CMIP: variants seen among roughly 807,000 people sequenced by gnomAD.
CMIP encodes the protein C-Maf-inducing protein.
In CMIP, 13 loss-of-function variants were observed where a neutral mutation model predicts 97.3. That is an observed-to-expected ratio of 0.13 (90% CI 0.09 to 0.21). CMIP has a LOEUF of 0.21. Among genes scored for constraint, CMIP ranks in the 10% least tolerant of loss-of-function variants. The pLI, the probability that CMIP is intolerant of heterozygous loss-of-function variation, is 1.00. For missense variants in CMIP, 847 were observed against 1,024.9 expected, an observed-to-expected ratio of 0.83 and a Z score of 2.37; for synonymous variants, 538 against 436.3, an observed-to-expected ratio of 1.23 and a Z score of -2.91.
intron 1 of CMIP, among the ~76,000 whole-genome samples, chr16:81,473,125 G>C (rs1051859623): frequency 2.0e-5 from 3 of 152,182 alleles, no homozygotes; most frequent in African/African-American, 4.8e-5. Flanking sequence ...CCTCCTGCCC[G>C]GCCTCCTCTG....
intron 3 of CMIP, among the ~76,000 whole-genome samples, chr16:81,623,897 C>T: frequency 6.6e-6 from 1 of 152,110 alleles, no homozygotes; most frequent in South Asian, 2.1e-4. Context: ...AAGTGACTTG[C>T]CTACAGTTGC....
Position 81,570,726 on chromosome 16 carries a change from C to T in CMIP, c.301-36841C>T, listed in dbSNP as rs560680134. On this transcript the variant is annotated intron_variant, in intron 1 of 20. Coordinates refer to ENST00000537098, the MANE Select transcript of CMIP (RefSeq NM_198390.3). ...TCTGTTAACATGTGCTGAAAGGAGACGCCGGTGCTCTGTCTCTAGCGATCC... is the reference window on the plus strand; with the variant it reads ...TCTGTTAACATGTGCTGAAAGGAGATGCCGGTGCTCTGTCTCTAGCGATCC... Among the ~76,000 whole-genome samples the T allele has an allele frequency of 2.6e-5, 4 of 152,274 alleles. No individual in the cohort carries two copies. In the East Asian group the frequency reaches 5.8e-4, roughly 22 times the overall value.
At chr16:81,644,106 C>G (rs2092336482) in intron 3 of CMIP, among the ~76,000 whole-genome samples, 1 of 152,230 alleles carries the variant, frequency 6.6e-6, no homozygotes, top group African/African-American at 2.4e-5. Context: ...ACGAACGAAA[C>G]ATGCATTTAC....
chr16:81,564,755 C>G (rs1417733075), intron 1 of CMIP, among the ~76,000 whole-genome samples: 1 of 152,188 alleles, frequency 6.6e-6, no homozygotes, highest in Non-Finnish European at 1.5e-5. Context: ...GGGGAAGAGT[C>G]AGCAAGTCGG....
chr16:81,560,419 C>T (rs1164403510), intron 1 of CMIP, among the ~76,000 whole-genome samples: 7 of 152,040 alleles, frequency 4.6e-5, no homozygotes, highest in African/African-American at 7.2e-5. Context: ...GGGGTTTCAC[C>T]GTGTTAGCCA....
chr16:81,483,501 T>C (rs542717226), intron 1 of CMIP, among the ~76,000 whole-genome samples: 1 of 152,284 alleles, frequency 6.6e-6, no homozygotes, highest in South Asian at 2.1e-4. Context: ...CTCTAATACA[T>C]TCAGGAAAGT....
chr16:81,600,957 C>A (rs1359823943), intron 1 of CMIP, among the ~76,000 whole-genome samples: 1 of 152,136 alleles, frequency 6.6e-6, no homozygotes, highest in African/African-American at 2.4e-5. Context: ...GTGTGCAGGT[C>A]CAGCAAATCC....
intron 1 of CMIP, among the ~76,000 whole-genome samples, chr16:81,477,954 C>G (rs1012574689): frequency 2.6e-5 from 4 of 152,238 alleles, no homozygotes; most frequent in Admixed American, 2.6e-4. Flanking sequence ...CCTTACTGGC[C>G]AGACCATCAT....
rs1341791033 is a variant in CMIP at position 81,471,634 on chromosome 16, C to A, written c.300+26093C>A. 2.0e-5 allele frequency among the ~76,000 whole-genome samples: 3 copies of A among 152,208 alleles called. No individual in the cohort carries two copies. In the South Asian group the frequency reaches 6.2e-4, roughly 31 times the overall value. The stretch of plus-strand genomic sequence containing the variant: ...ACTCTCATCCTTGGGGGATATGTGT[C>A]AAGATTCCCAGTAGATGCCTGAAAT... On this transcript the variant is annotated intron_variant, in intron 1 of 20. Transcript: ENST00000537098.
intron 1 of CMIP, among the ~76,000 whole-genome samples, chr16:81,596,190 A>T (rs557433943): frequency 2.1e-4 from 32 of 152,316 alleles, no homozygotes; most frequent in African/African-American, 7.7e-4. Flanking sequence ...ATTCAGCTCT[A>T]GAAAATCTGA....
At chr16:81,540,682 GTGTT>G (rs2090433014) in intron 1 of CMIP, among the ~76,000 whole-genome samples, 3 of 112,564 alleles carry the variant, frequency 2.7e-5, no homozygotes, top group South Asian at 6.0e-4. Context: ...GTGTGTGTGT[GTGTT>G]TGTTTTTGTT....
chr16:81,613,776 A>C (rs2091869263), intron 2 of CMIP, among the ~76,000 whole-genome samples: 5 of 152,200 alleles, frequency 3.3e-5, no homozygotes, highest in African/African-American at 1.2e-4. Flanking sequence ...TGAATGCCCC[A>C]TTCATCCATC....
chr16:81,479,907 C>T (rs963016921), intron 1 of CMIP, among the ~76,000 whole-genome samples: 3 of 152,186 alleles, frequency 2.0e-5, no homozygotes, highest in African/African-American at 7.2e-5. Flanking sequence ...TCCTGGCCAG[C>T]TGAGAAATAA....
At chr16:81,503,701 G>A (rs1204377199) in intron 1 of CMIP, among the ~76,000 whole-genome samples, 1 of 152,202 alleles carries the variant, frequency 6.6e-6, no homozygotes, top group Admixed American at 6.5e-5. Context: ...CTGGCCTTCT[G>A]CCCCATTGAG....
At chr16:81,659,238 CAGAT>C (rs2092518530) in intron 5 of CMIP, among the ~76,000 whole-genome samples, 1 of 152,190 alleles carries the variant, frequency 6.6e-6, no homozygotes, top group African/African-American at 2.4e-5. Flanking sequence ...GTGCCAGACA[CAGAT>C]AGAGAGCTGG....
At chr16:81,557,679 G>A (rs1254867637) in intron 1 of CMIP, among the ~76,000 whole-genome samples, 1 of 152,172 alleles carries the variant, frequency 6.6e-6, no homozygotes, top group Non-Finnish European at 1.5e-5. Flanking sequence ...GGAGGCCAAG[G>A]TGGGAGGATC....
At chr16:81,687,425 C>G (rs746942444) in intron 10 of CMIP, among the ~76,000 whole-genome samples, 1 of 152,288 alleles carries the variant, frequency 6.6e-6, no homozygotes, top group East Asian at 1.9e-4. Context: ...CTGGCTTAGG[C>G]GAGAACTGAC....
chr16:81,613,990 G>A (rs1039068598), intron 2 of CMIP, among the ~76,000 whole-genome samples: 1 of 152,186 alleles, frequency 6.6e-6, no homozygotes. Flanking sequence ...AGAGCCCATA[G>A]CCTGCAGAAG....
In CMIP at chr16:81,667,799, A is replaced by AGAGAGAGAGAGTGTGTGT; in HGVS notation, c.826-2342_826-2341insAGAGAGAGAGTGTGTGTG. On this transcript the variant is annotated intron_variant, in intron 7 of 20. Transcript: ENST00000537098. ...GAGAGAGAGAGAGAGAGAGAGAGAGAGTGTGTGTGTGTGTGTGTGTGTGTG... is the reference window on the plus strand; with the variant it reads ...GAGAGAGAGAGAGAGAGAGAGAGAGAGAGAGAGAGAGTGTGTGTGTGTGTGTGTGTGTGTGTGTGTGTG... Among the ~76,000 whole-genome samples, 147 of 58,108 alleles carry AGAGAGAGAGAGTGTGTGT rather than the reference A, an allele frequency of 2.5e-3. 1 individual carries two copies. Among genetic ancestry groups the AGAGAGAGAGAGTGTGTGT allele is most frequent in the Non-Finnish European group, 4.0e-3 (124 of 31,270 alleles). The allele number at this position is 58,108 out of a possible 152,430, so 38.1% of individuals were successfully genotyped here.
Sources: gnomAD v4.1 joint callset for allele counts (sites outside exome capture counted in the v4.1 genomes callset) on GRCh38, gnomAD v4.1.1 for gene constraint, MANE v1.5 for transcripts, NCBI Gene and HGNC (gene_info 2026-07-23, HGNC 2026-07-21) for gene names.